The following HEATR1 variants were observed in gnomAD, a reference collection of about 807,000 sequenced individuals.
HEATR1 encodes HEAT repeat containing 1.
A neutral mutation model predicts 248.2 loss-of-function variants in HEATR1; 77 were observed. That is an observed-to-expected ratio of 0.31 (90% confidence interval 0.26 to 0.37). HEATR1 has a LOEUF of 0.37. Ranked by LOEUF, HEATR1 falls within the 10% of genes least tolerant of loss-of-function variation. HEATR1 has a pLI of 1.00. For synonymous variants in HEATR1, 897 were observed against 923.1 expected (o/e 0.97, Z 0.51); for missense variants, 2,420 against 2,504.9 (o/e 0.97, Z 0.72).
At position 236,566,895 on chromosome 1, in the gene HEATR1, A is replaced by G; in HGVS notation, c.4078-19T>C. On this transcript the variant is annotated intron_variant, in intron 29 of 44. Coordinates refer to ENST00000366582, the MANE Select transcript of HEATR1 (RefSeq NM_018072.6). Reference sequence around the variant, plus strand: ...TATCAGACTGCAAAACAGCAAGCAGAGACAATGAGTAGGTGCAAGTAATCT... The same window carrying G: ...TATCAGACTGCAAAACAGCAAGCAGGGACAATGAGTAGGTGCAAGTAATCT... 6.5e-7 allele frequency: 1 copy of G among 1,531,046 alleles called. No individual in the cohort carries two copies. Among genetic ancestry groups the G allele is most frequent in the Non-Finnish European group, 9.1e-7 (1 of 1,104,584 alleles). 94.8% of individuals were successfully genotyped at this position (1,531,046 alleles called of 1,614,324 possible). A position where few individuals can be genotyped will look rare whatever the true frequency, so the allele number is the denominator to read the frequency against.
rs1314926775 is a variant in HEATR1 at position 236,561,250 on chromosome 1, C to T, written c.4621G>A (p.Glu1541Lys). 1 of 1,610,632 alleles carries T rather than the reference C, an allele frequency of 6.2e-7. No homozygotes were observed. Among genetic ancestry groups the T allele is most frequent in the African/African-American group, 1.3e-5 (1 of 74,842 alleles). ...LKKVVESGGP[E>K]ILKGLEERLL... ...CTCTCTTCAAGGCCTTTTAAAATCT[C>T]AGGACCACCACTCTCAACTACCTAA... Residue 1541 changes from glutamate to lysine, a missense_variant, in exon 33 of 45, where the codon GAG (glutamate) becomes AAG (lysine). Physicochemically the swap from Glu to Lys is moderately conservative, Grantham distance 56. Transcript: ENST00000366582.
chr1:236,599,291 C>A (rs1043628512), intron 4 of HEATR1, among the ~76,000 whole-genome samples, 192 bp downstream of exon 4: 2 of 152,050 alleles, frequency 1.3e-5, no homozygotes, highest in Non-Finnish European at 2.9e-5. Flanking sequence ...CATTGCCTAG[C>A]CTGATGTCAG....
At chr1:236,598,624 A>G (rs891942839) in intron 4 of HEATR1, among the ~76,000 whole-genome samples, 2 of 152,146 alleles carry the variant, frequency 1.3e-5, no homozygotes, top group East Asian at 3.9e-4. Context: ...GCCTTCTCCA[A>G]CATTCTTTAG....
At chr1:236,577,049 C>T (rs572084799) in intron 20 of HEATR1, 100 bp from the exon 21 acceptor site, 12 of 824,774 alleles carry the variant, frequency 1.5e-5, no homozygotes, top group South Asian at 6.5e-5. Context: ...AGTTTCCCTT[C>T]GAATTCAAAC....
chr1:236,572,397 C>T lies in HEATR1; in HGVS notation c.3707+14G>A. 6.2e-7 allele frequency: 1 copy of T among 1,613,522 alleles called. No homozygotes were observed. Among genetic ancestry groups the T allele is most frequent in the East Asian group, 2.2e-5 (1 of 44,870 alleles). On this transcript the variant is annotated intron_variant, in intron 26 of 44. Coordinates refer to ENST00000366582, the MANE Select transcript of HEATR1 (RefSeq NM_018072.6). ...AGTCCTATTCTCTCACAGATCAAAG[C>T]CAAGTGTCATTACCTTGATAGCAAG...
intron 22 of HEATR1, 51 bp from the exon 23 acceptor site, chr1:236,574,954 T>TA: frequency 6.4e-7 from 1 of 1,559,522 alleles, no homozygotes; most frequent in Non-Finnish European, 8.7e-7. Context: ...TGATATGTTT[T>TA]TGCTCACTCT....
intron 28 of HEATR1, among the ~76,000 whole-genome samples, chr1:236,570,903 T>C: frequency 6.6e-6 from 1 of 152,202 alleles, no homozygotes; most frequent in East Asian, 1.9e-4. Flanking sequence ...ATGATATTTT[T>C]CATAAAAGGG....
intron 2 of HEATR1, among the ~76,000 whole-genome samples, 178 bp from the exon 3 acceptor site, chr1:236,603,554 C>T (rs987626144): frequency 6.6e-6 from 1 of 151,008 alleles, no homozygotes. Flanking sequence ...AATCCTATCT[C>T]ATCTACTAGA....
chr1:236,563,861 T>C (rs982385494), intron 32 of HEATR1, among the ~76,000 whole-genome samples: 3 of 152,176 alleles, frequency 2.0e-5, no homozygotes, highest in African/African-American at 7.2e-5. Context: ...ATGCCTGTAA[T>C]CCCAGCACTA....
intron 3 of HEATR1, chr1:236,602,937 G>A (rs1445580841): frequency 6.4e-6 from 3 of 466,524 alleles, no homozygotes; most frequent in African/African-American, 2.0e-5. Context: ...AAAAACTAAT[G>A]AGGTTAGACC....
intron 3 of HEATR1, chr1:236,602,750 C>A (rs1324061840): frequency 5.8e-6 from 1 of 171,610 alleles, no homozygotes; most frequent in African/African-American, 2.4e-5. Flanking sequence ...CACGGTGAAA[C>A]TCCATCTCTA....
At chr1:236,570,390 T>C (rs1038603151) in intron 28 of HEATR1, among the ~76,000 whole-genome samples, 6 of 152,000 alleles carry the variant, frequency 3.9e-5, no homozygotes, top group East Asian at 1.9e-4. Context: ...ATGTCCAGCA[T>C]AGGCAGATTG....
intron 6 of HEATR1, 73 bp downstream of exon 6, chr1:236,596,763 T>C: frequency 7.1e-7 from 1 of 1,417,680 alleles, no homozygotes; most frequent in Non-Finnish European, 9.5e-7. Flanking sequence ...CACTTAAATC[T>C]AAAAAAACTT....
In HEATR1 at chr1:236,566,638, G is replaced by T; in HGVS notation, c.4308+8C>A. On this transcript the variant is annotated splice_region_variant and intron_variant, in intron 30 of 44. Coordinates refer to ENST00000366582, the MANE Select transcript of HEATR1 (RefSeq NM_018072.6). ...CATTTTCCTTATCTTCCCACCCTAG[G>T]TTCTGACCTTTTCGCCATAGGCAGC... 1 of 1,595,634 alleles carries T rather than the reference G, an allele frequency of 6.3e-7. No homozygotes were observed. The highest frequency in any genetic ancestry group is 8.6e-7 in the Non-Finnish European group (1 of 1,163,844).
intron 4 of HEATR1, among the ~76,000 whole-genome samples, chr1:236,598,382 T>C (rs1345721245): frequency 1.3e-5 from 2 of 152,308 alleles, no homozygotes; most frequent in African/African-American, 2.4e-5. Context: ...TATACCACTA[T>C]TCCCACCATC....
chr1:236,575,094 C>G (rs1226180664), intron 22 of HEATR1, among the ~76,000 whole-genome samples, 191 bp from the exon 23 acceptor site: 1 of 152,162 alleles, frequency 6.6e-6, no homozygotes, highest in Non-Finnish European at 1.5e-5. Context: ...TCTGACAGTT[C>G]ATGTGTAATG....
At chr1:236,573,720 A>C (rs1275545689) in intron 24 of HEATR1, among the ~76,000 whole-genome samples, 1 of 152,170 alleles carries the variant, frequency 6.6e-6, no homozygotes, top group Non-Finnish European at 1.5e-5. Context: ...AGATACTAGA[A>C]CTTTGTATTA....
intron 37 of HEATR1, 58 bp from the exon 38 acceptor site, chr1:236,556,316 C>A: frequency 3.8e-6 from 6 of 1,559,348 alleles, no homozygotes; most frequent in Non-Finnish European, 5.3e-6. Flanking sequence ...GACAAACACA[C>A]ACTTACAGAG....
intron 28 of HEATR1, 148 bp downstream of exon 28, chr1:236,571,203 C>G: frequency 1.0e-6 from 1 of 964,844 alleles, no homozygotes; most frequent in Non-Finnish European, 1.5e-6. Flanking sequence ...ACAGTCCCAG[C>G]TATGAAGAGG....
Sources: gnomAD v4.1 joint callset for allele counts (sites outside exome capture counted in the v4.1 genomes callset) on GRCh38, gnomAD v4.1.1 for gene constraint, MANE v1.5 for transcripts, NCBI Gene and HGNC (gene_info 2026-07-23, HGNC 2026-07-21) for gene names.